Variants in SNX25 observed in about 807,000 individuals in gnomAD.
SNX25 encodes sorting nexin-25.
Under a neutral mutation model 113.7 loss-of-function variants are expected in SNX25, and 62 were observed. That is an observed-to-expected ratio of 0.55 (90% CI 0.44 to 0.67). The LOEUF (loss-of-function observed/expected upper bound fraction) is 0.67, where lower values mean the gene tolerates loss of function less well. Ranked by LOEUF, SNX25 falls within the 30% of genes least tolerant of loss-of-function variation. SNX25 has a pLI of 0.00. For synonymous variants in SNX25, 421 were observed against 436.2 expected (o/e 0.97, Z 0.43); for missense variants, 1,014 against 1,161.0 (o/e 0.87, Z 1.84).
chr4:185,282,526 G>C lies in SNX25; in HGVS notation c.1092-5486G>C, dbSNP rs1483931598. ...GAAGTGCTGCGTAGCATTTCAGTGA[G>C]TTTGAGATTGTTGGGACGTGTTCAG... On this transcript the variant is annotated intron_variant, in intron 5 of 18. Transcript: ENST00000652585. Among the ~76,000 whole-genome samples, 4 of 152,242 alleles carry C rather than the reference G, an allele frequency of 2.6e-5. No individual in the cohort carries two copies. The East Asian group carries it at 7.7e-4, about 29-fold the overall frequency.
In SNX25 at chr4:185,353,396, G is replaced by A. The variant is rs572078815; in HGVS notation, c.2467-89G>A. 1.3e-5 allele frequency: 12 copies of A among 939,252 alleles called. No individual in the cohort carries two copies. The African/African-American group carries it at 1.8e-4, about 14-fold the overall frequency. The allele number at this position is 939,252 out of a possible 1,614,324, so 58.2% of individuals were successfully genotyped here. On this transcript the variant is annotated intron_variant, in intron 14 of 18. Transcript: ENST00000652585. ...ATTAAGGCTAAAATACGAGCAGATA[G>A]TTTGGAATTTACACTTGAAGAGGGA...
At chr4:185,335,597 C>T (rs192785557) in intron 10 of SNX25, among the ~76,000 whole-genome samples, 359 of 152,270 alleles carry the variant, frequency 2.4e-3, no homozygotes, top group Non-Finnish European at 4.3e-3. Flanking sequence ...TAATTAGCTA[C>T]TGGGTGGTAA....
At chr4:185,224,333 A>G (rs1740491809) in intron 1 of SNX25, among the ~76,000 whole-genome samples, 1 of 149,514 alleles carries the variant, frequency 6.7e-6, no homozygotes, top group African/African-American at 2.4e-5. Flanking sequence ...CCTGGGCAAC[A>G]AGAGCAAAAC....
At chr4:185,342,267 A>C (rs2095263680) in intron 12 of SNX25, 151 bp downstream of exon 12, 1 of 896,964 alleles carries the variant, frequency 1.1e-6, no homozygotes, top group East Asian at 3.0e-5. Context: ...TTACTCATAG[A>C]TCAAACCATC....
downstream of SNX25, among the ~76,000 whole-genome samples, chr4:185,368,580 T>C (rs2095400938): frequency 6.6e-6 from 1 of 152,208 alleles, no homozygotes; most frequent in South Asian, 2.1e-4. Flanking sequence ...CCTCATATCA[T>C]GCGTCATATG....
intron 1 of SNX25, among the ~76,000 whole-genome samples, chr4:185,212,366 A>G (rs185092282): frequency 5.0e-4 from 76 of 151,954 alleles, no homozygotes; most frequent in Admixed American, 1.2e-3. Flanking sequence ...ATTGCTTAGA[A>G]CTGAAATACA....
chr4:185,230,049 T>A (rs1741599034), intron 1 of SNX25, among the ~76,000 whole-genome samples: 1 of 151,806 alleles, frequency 6.6e-6, no homozygotes, highest in Non-Finnish European at 1.5e-5. Context: ...AGGCTGGGCT[T>A]TGAATTCCTG....
intron 11 of SNX25, among the ~76,000 whole-genome samples, chr4:185,369,173 G>C (rs1212751484): frequency 6.6e-6 from 1 of 151,114 alleles, no homozygotes; most frequent in Non-Finnish European, 1.5e-5. Context: ...GGATATTAAG[G>C]ATAGGATAGA....
chr4:185,249,623 T>G (rs1327384586), intron 2 of SNX25, among the ~76,000 whole-genome samples: 1 of 152,028 alleles, frequency 6.6e-6, no homozygotes, highest in Non-Finnish European at 1.5e-5. Flanking sequence ...TTTACCAATC[T>G]TTTTTTCCTC....
At chr4:185,367,294 GTCTT>G (rs751928391), downstream of SNX25, 9 of 1,459,180 alleles carry the variant, frequency 6.2e-6, no homozygotes, top group East Asian at 7.0e-5. Context: ...AATTGTTTGG[GTCTT>G]TCTTCTTTTT....
the SNX25 span, chr4:185,377,935 T>C: frequency 3.1e-6 from 2 of 651,996 alleles, no homozygotes; most frequent in Non-Finnish European, 5.1e-6. Flanking sequence ...ATTTCACAGA[T>C]TCTTGCGGGA....
chr4:185,244,859 A>T (rs1274612500), intron 1 of SNX25, among the ~76,000 whole-genome samples: 3 of 151,782 alleles, frequency 2.0e-5, no homozygotes, highest in Non-Finnish European at 4.4e-5. Flanking sequence ...TCACCAGGAG[A>T]CTTTTGTTTG....
At chr4:185,237,066 A>G (rs1486843743) in intron 1 of SNX25, among the ~76,000 whole-genome samples, 1 of 152,228 alleles carries the variant, frequency 6.6e-6, no homozygotes, top group East Asian at 1.9e-4. Context: ...TTAGGAAAAC[A>G]GTAATATGAG....
chr4:185,216,173 G>T (rs1415394124), intron 1 of SNX25, among the ~76,000 whole-genome samples: 1 of 152,076 alleles, frequency 6.6e-6, no homozygotes, highest in Non-Finnish European at 1.5e-5. Context: ...GTACAGAAAG[G>T]TATACAGTGA....
chr4:185,232,551 T>C lies in SNX25; in HGVS notation c.430-14743T>C, dbSNP rs1639809563. On this transcript the variant is annotated intron_variant, in intron 1 of 18. Coordinates refer to ENST00000652585, the MANE Select transcript of SNX25 (RefSeq NM_001378034.2). The surrounding 1 kb of genome is among the most constrained non-coding windows in gnomAD (Gnocchi z 4.4). ...CTTCAAAAATGGACCATTTAAAATG[T>C]TTCCTCACAGTTAACAAATTAACTA... is the stretch of plus-strand genomic sequence containing the variant. 6.6e-6 allele frequency among the ~76,000 whole-genome samples: 1 copy of C among 152,186 alleles called. No homozygotes were observed.
At chr4:185,294,941 G>T (rs1007762184) in intron 6 of SNX25, among the ~76,000 whole-genome samples, 1 of 151,872 alleles carries the variant, frequency 6.6e-6, no homozygotes, top group Non-Finnish European at 1.5e-5. Flanking sequence ...GTATTTCTGT[G>T]GTCTTTGGAG....
Position 185,310,680 on chromosome 4 carries a change from A to T in SNX25, c.1208A>T (p.Asn403Ile). 1 of 1,614,058 alleles carries T rather than the reference A, an allele frequency of 6.2e-7. No homozygotes were observed. Among genetic ancestry groups the T allele is most frequent in the Non-Finnish European group, 8.5e-7 (1 of 1,179,978 alleles). The change falls in exon 7 of 19, where the codon AAC becomes ATC. Residue 403 changes from asparagine (N) to isoleucine (I), a missense_variant. Coordinates refer to ENST00000652585, the MANE Select transcript of SNX25 (RefSeq NM_001378034.2). The stretch of plus-strand genomic sequence containing the variant: ...AAAGCTGATCTCCTGAGGGCCAGGA[A>T]CATGAAGAGGTACATCAACCAACTG... Reference protein sequence around the residue: ...AMKADLLRARNMKRYINQLTV... With the variant: ...AMKADLLRARIMKRYINQLTV...
In SNX25 at chr4:185,295,158, T is replaced by G. The variant is rs115449705; in HGVS notation, c.1162+7076T>G. Among the ~76,000 whole-genome samples the G allele has an allele frequency of 8.4e-3, 1,282 of 152,300 alleles. 17 individuals carry two copies. Among genetic ancestry groups the G allele is most frequent in the African/African-American group, 0.029 (1,220 of 41,560 alleles). ...TCCCCAAAATATAATTGTTGAGTTG[T>G]TTTTGGAGATCTTTGCATTTTGGAG... On this transcript the variant is annotated intron_variant, in intron 6 of 18. Coordinates refer to ENST00000652585, the MANE Select transcript of SNX25 (RefSeq NM_001378034.2).
At chr4:185,260,652 T>C (rs1747164251) in intron 3 of SNX25, among the ~76,000 whole-genome samples, 1 of 152,010 alleles carries the variant, frequency 6.6e-6, no homozygotes, top group East Asian at 1.9e-4. Context: ...GCCACGGGAG[T>C]GATGATGCCA....
Sources: allele counts gnomAD v4.1 joint callset (sites outside exome capture counted in the v4.1 genomes callset), GRCh38; gene constraint gnomAD v4.1.1; non-coding constraint Gnocchi (gnomAD v3.1); transcripts MANE v1.5; gene names NCBI Gene and HGNC (gene_info 2026-07-23, HGNC 2026-07-21).